Variants in TUBGCP3 observed in about 807,000 individuals in gnomAD.
The protein encoded by TUBGCP3 is gamma-tubulin complex component 3.
TUBGCP3 carries 50 observed loss-of-function variants against 123.1 expected under a neutral mutation model. That is an observed-to-expected ratio of 0.41 (90% confidence interval 0.32 to 0.51). The LOEUF (loss-of-function observed/expected upper bound fraction) is 0.51. Among genes scored for constraint, TUBGCP3 ranks in the 20% least tolerant of loss-of-function variants. TUBGCP3 has a pLI of 0.36. For missense variants in TUBGCP3, 882 were observed against 1,127.0 expected, an observed-to-expected ratio of 0.78 and a Z score of 3.11; for synonymous variants, 405 against 413.9, an observed-to-expected ratio of 0.98 and a Z score of 0.26.
At chr13:112,531,885 G>T (rs752887289) in intron 11 of TUBGCP3, among the ~76,000 whole-genome samples, 2 of 152,024 alleles carry the variant, frequency 1.3e-5, no homozygotes, top group Admixed American at 6.5e-5. Context: ...TCCACTCAAG[G>T]TTCTTTAATT....
chr13:112,568,619 C>A (rs1881162592), intron 2 of TUBGCP3, among the ~76,000 whole-genome samples: 1 of 152,274 alleles, frequency 6.6e-6, no homozygotes, highest in South Asian at 2.1e-4. Context: ...TCCACTTGGA[C>A]AGTTTAACGG....
At chr13:112,549,498 T>A (rs1594182225) in intron 8 of TUBGCP3, among the ~76,000 whole-genome samples, 1 of 152,212 alleles carries the variant, frequency 6.6e-6, no homozygotes, top group African/African-American at 2.4e-5. Context: ...AAAAAATTAA[T>A]TAATTAATTA....
chr13:112,560,182 G>A (rs1434227976), intron 3 of TUBGCP3, among the ~76,000 whole-genome samples: 2 of 147,542 alleles, frequency 1.4e-5, no homozygotes, highest in Admixed American at 6.8e-5. Context: ...TGTAATCCCA[G>A]CACTTTGGGA....
chr13:112,590,339 T>G (rs1174047795), upstream of TUBGCP3, among the ~76,000 whole-genome samples: 3 of 152,172 alleles, frequency 2.0e-5, no homozygotes, highest in African/African-American at 7.2e-5. Flanking sequence ...GATTATTGAT[T>G]TCTTGAGGAG....
At chr13:112,553,787 A>T (rs1352760034) in intron 8 of TUBGCP3, among the ~76,000 whole-genome samples, 3 of 152,204 alleles carry the variant, frequency 2.0e-5, no homozygotes, top group Non-Finnish European at 4.4e-5. Flanking sequence ...GGAATCGGGC[A>T]ATGCCAGCTC....
the TUBGCP3 span, among the ~76,000 whole-genome samples, chr13:112,596,015 T>A: frequency 6.6e-6 from 1 of 152,214 alleles, no homozygotes. Context: ...CTTATTTCTG[T>A]CTACTGCTGT....
chr13:112,563,861 C>A (rs923627943), intron 3 of TUBGCP3, among the ~76,000 whole-genome samples: 1 of 146,100 alleles, frequency 6.8e-6, no homozygotes, highest in Admixed American at 6.8e-5. Context: ...GGGCACAGAG[C>A]AAGACTTCGC....
chr13:112,486,238 G>C (rs1879663621), intron 21 of TUBGCP3, 87 bp from the exon 22 acceptor site: 9 of 1,499,464 alleles, frequency 6.0e-6, no homozygotes, highest in Non-Finnish European at 8.1e-6. Context: ...CCTTTGGGTT[G>C]GGTCTGTTTT....
chr13:112,585,927 G>GA, intron 1 of TUBGCP3, among the ~76,000 whole-genome samples: 1 of 151,264 alleles, frequency 6.6e-6, no homozygotes, highest in South Asian at 2.1e-4. Context: ...TTATATCAAA[G>GA]AATCTTCAAT....
chr13:112,509,623 C>G (rs374477607), intron 17 of TUBGCP3, among the ~76,000 whole-genome samples: 13 of 152,190 alleles, frequency 8.5e-5, no homozygotes, highest in African/African-American at 2.9e-4. Context: ...GTACGGAGGA[C>G]AGTATCTTCA....
chr13:112,575,955 G>A (rs527844900), intron 1 of TUBGCP3, among the ~76,000 whole-genome samples: 30 of 152,350 alleles, frequency 2.0e-4, no homozygotes, highest in African/African-American at 6.7e-4. Context: ...TCAGCCCCAG[G>A]ACACTGCCTT....
At chr13:112,567,965 T>C (rs969863681) in intron 2 of TUBGCP3, among the ~76,000 whole-genome samples, 5 of 147,102 alleles carry the variant, frequency 3.4e-5, no homozygotes, top group Non-Finnish European at 7.4e-5. Context: ...TAGAAGGTGT[T>C]ATCACTAAGA....
In TUBGCP3 at chr13:112,494,269, T is replaced by A. The variant is rs1008325343; in HGVS notation, c.2449-4572A>T. On this transcript the variant is annotated intron_variant, in intron 20 of 21. Coordinates refer to ENST00000261965, the MANE Select transcript of TUBGCP3 (RefSeq NM_006322.6). ...GAGAGAGAATGCTGGGTCAGAGTAG[T>A]CCTGAGTTCGGCACTGGTTCCTGCC... Among the ~76,000 whole-genome samples the A allele has an allele frequency of 4.6e-5, 7 of 152,328 alleles. No individual in the cohort carries two copies. In the South Asian group the frequency reaches 1.2e-3, roughly 27 times the overall value.
rs983312310 is a variant in TUBGCP3, at chr13:112,519,725, G to C, written c.1881+161C>G. ...AGGGAGCAGATGTGCTGACCAGGCA[G>C]TAACAAGCCACAGAGTGGAGTTCCT... On this transcript the variant is annotated intron_variant, in intron 15 of 21. Transcript: ENST00000261965. This position sits in a 1 kb window ranked among gnomAD's most constrained non-coding sequence, Gnocchi z 6.2. Among the ~76,000 whole-genome samples the C allele has an allele frequency of 2.6e-5, 4 of 152,254 alleles. No homozygotes were observed. In the South Asian group the frequency reaches 6.2e-4, roughly 24 times the overall value.
intron 3 of TUBGCP3, among the ~76,000 whole-genome samples, chr13:112,562,317 G>C (rs577430843): frequency 6.6e-6 from 1 of 151,420 alleles, no homozygotes; most frequent in African/African-American, 2.4e-5. Context: ...CCAGCCAGGG[G>C]CCACTAGGGG....
At chr13:112,563,029 A>G (rs896193872) in intron 3 of TUBGCP3, among the ~76,000 whole-genome samples, 2 of 152,012 alleles carry the variant, frequency 1.3e-5, no homozygotes, top group African/African-American at 4.8e-5. Context: ...CAGATGCACA[A>G]TGTTCTAGTT....
chr13:112,598,693 C>T, the TUBGCP3 span, among the ~76,000 whole-genome samples: 3 of 152,018 alleles, frequency 2.0e-5, no homozygotes, highest in African/African-American at 2.4e-5. Context: ...GCCTGTAATC[C>T]GAGCACTTTG....
chr13:112,518,891 C>G, intron 16 of TUBGCP3, 84 bp downstream of exon 16: 1 of 1,226,904 alleles, frequency 8.2e-7, no homozygotes. Context: ...TTAGAAGTCC[C>G]CAGAGAAGAA....
At chr13:112,576,238 A>G (rs1881798159) in intron 1 of TUBGCP3, among the ~76,000 whole-genome samples, 1 of 151,930 alleles carries the variant, frequency 6.6e-6, no homozygotes, top group Non-Finnish European at 1.5e-5. Context: ...AATTGGAAAA[A>G]CTGCTACTCC....
Sources: allele counts gnomAD v4.1 joint callset (sites outside exome capture counted in the v4.1 genomes callset), GRCh38; gene constraint gnomAD v4.1.1; non-coding constraint Gnocchi (gnomAD v3.1); transcripts MANE v1.5; gene names NCBI Gene and HGNC (gene_info 2026-07-23, HGNC 2026-07-21).